CORIN: variants seen among roughly 807,000 people sequenced by gnomAD.
The protein encoded by CORIN is corin, serine peptidase.
In CORIN, 117 loss-of-function variants were observed where a neutral mutation model predicts 125.3. The ratio of observed to expected loss-of-function variants is 0.93; its 90% CI spans 0.80 to 1.09. The LOEUF is 1.09. Ranked by LOEUF, CORIN falls within the 50% of genes least tolerant of loss-of-function variation. The probability of loss-of-function intolerance (pLI) is 0.00; values close to 1 mark genes in which losing one functional copy is unlikely to be tolerated. For synonymous variants in CORIN, 450 were observed against 466.4 expected, an observed-to-expected ratio of 0.96 and a Z score of 0.45; for missense variants, 1,253 against 1,306.7, an observed-to-expected ratio of 0.96 and a Z score of 0.63.
intron 1 of CORIN, among the ~76,000 whole-genome samples, chr4:47,829,646 G>A (rs1485012279): frequency 6.6e-6 from 1 of 152,198 alleles, no homozygotes; most frequent in Non-Finnish European, 1.5e-5. Context: ...GGTAGATAGT[G>A]TCAGAATTGA....
At position 47,595,706 on chromosome 4, in the gene CORIN, T is replaced by C; in HGVS notation, c.*15A>G. The C allele has an allele frequency of 1.9e-6, 3 of 1,582,060 alleles. No homozygotes were observed. Among genetic ancestry groups the C allele is most frequent in the Non-Finnish European group, 2.6e-6 (3 of 1,167,270 alleles). Reference sequence around the variant, plus strand: ...TTTTAGTGTAGCTGGCAAAAGTCTCTGATCATCCTTATAATTAGTTTAGGA... The same window carrying C: ...TTTTAGTGTAGCTGGCAAAAGTCTCCGATCATCCTTATAATTAGTTTAGGA... On this transcript the variant is annotated 3_prime_UTR_variant, in exon 22 of 22. Transcript: ENST00000273857.
chr4:47,668,924 T>C (rs1419755988), intron 10 of CORIN, among the ~76,000 whole-genome samples: 1 of 152,230 alleles, frequency 6.6e-6, no homozygotes, highest in African/African-American at 2.4e-5. Flanking sequence ...AGATAAACTC[T>C]CAAAATACCT....
chr4:47,755,951 T>C (rs1175713182), intron 4 of CORIN, among the ~76,000 whole-genome samples: 1 of 152,208 alleles, frequency 6.6e-6, no homozygotes, highest in African/African-American at 2.4e-5. Flanking sequence ...CTCAGCTATT[T>C]AATGAGCACC....
chr4:47,721,193 A>C (rs1342258623), intron 5 of CORIN, among the ~76,000 whole-genome samples: 1 of 151,968 alleles, frequency 6.6e-6, no homozygotes, highest in African/African-American at 2.4e-5. Flanking sequence ...AGAGCACACA[A>C]GAGCGCTCTA....
chr4:47,806,896 C>T lies in CORIN; in HGVS notation c.208+7G>A. 1 of 1,607,054 alleles carries T rather than the reference C, an allele frequency of 6.2e-7. No homozygotes were observed. Among genetic ancestry groups the T allele is most frequent in the Non-Finnish European group, 8.5e-7 (1 of 1,177,616 alleles). ...CTTCATTTTTATTTAATAATGGCCT[C>T]ACCCACCAACATAGGAAAGCAGGAT... On this transcript the variant is annotated splice_region_variant and intron_variant, in intron 2 of 21. Transcript: ENST00000273857.
chr4:47,700,764 A>C (rs1726248448), intron 5 of CORIN, among the ~76,000 whole-genome samples: 1 of 152,092 alleles, frequency 6.6e-6, no homozygotes. Flanking sequence ...GCACGTGAGC[A>C]CTGGTCTCTG....
At chr4:47,764,303 C>A (rs1321994844) in intron 3 of CORIN, among the ~76,000 whole-genome samples, 1 of 152,170 alleles carries the variant, frequency 6.6e-6, no homozygotes. Context: ...GAGCCTCTGA[C>A]ATTATCTTCT....
intron 16 of CORIN, among the ~76,000 whole-genome samples, chr4:47,638,788 A>G (rs1352999559): frequency 1.3e-5 from 2 of 152,184 alleles, no homozygotes; most frequent in Non-Finnish European, 2.9e-5. Context: ...GGCTTGATTT[A>G]TGCATTCTTC....
At chr4:47,633,995 C>A (rs9918055) in intron 16 of CORIN, among the ~76,000 whole-genome samples, 39,715 of 151,456 alleles carry the variant, frequency 0.26, 5,423 homozygotes, top group Admixed American at 0.36. Flanking sequence ...ATTCAAAATT[C>A]AAAAAAAATT....
intron 16 of CORIN, among the ~76,000 whole-genome samples, chr4:47,641,327 T>C (rs1204569566): frequency 1.3e-5 from 2 of 152,170 alleles, no homozygotes; most frequent in Non-Finnish European, 2.9e-5. Context: ...TCTAAGACCC[T>C]GAAAATTATT....
intron 19 of CORIN, among the ~76,000 whole-genome samples, chr4:47,612,476 T>C (rs1253942848): frequency 6.6e-6 from 1 of 152,174 alleles, no homozygotes; most frequent in Non-Finnish European, 1.5e-5. Flanking sequence ...GGATGTCTCA[T>C]TAGTATACAA....
intron 12 of CORIN, among the ~76,000 whole-genome samples, chr4:47,658,523 C>T (rs1272415771): frequency 6.6e-6 from 1 of 152,250 alleles, no homozygotes; most frequent in Admixed American, 6.5e-5. Flanking sequence ...GCTCCAGCCC[C>T]ACGTTTCCCC....
At chr4:47,630,194 A>T (rs540763965) in intron 16 of CORIN, among the ~76,000 whole-genome samples, 2 of 152,334 alleles carry the variant, frequency 1.3e-5, no homozygotes, top group African/African-American at 4.8e-5. Flanking sequence ...AATTCCTAGA[A>T]ATAAAATCAT....
intron 1 of CORIN, among the ~76,000 whole-genome samples, chr4:47,808,986 C>G (rs1415122679): frequency 6.6e-6 from 1 of 152,222 alleles, no homozygotes; most frequent in East Asian, 1.9e-4. Context: ...ACACTTATAG[C>G]TAAAGTGATA....
intron 19 of CORIN, among the ~76,000 whole-genome samples, chr4:47,605,381 C>T (rs1272440138): frequency 1.3e-5 from 2 of 152,106 alleles, no homozygotes; most frequent in Non-Finnish European, 2.9e-5. Flanking sequence ...TTAATGATGG[C>T]TCAATGAATG....
chr4:47,692,974 A>G lies in CORIN; in HGVS notation c.909T>C (p.His303=). 6.2e-7 allele frequency: 1 copy of G among 1,611,280 alleles called. No homozygotes were observed. The highest frequency in any genetic ancestry group is 1.1e-5 in the South Asian group (1 of 90,990). The change falls in exon 6 of 22, where the codon CAT becomes CAC. Residue 303 remains histidine, a synonymous_variant. Coordinates refer to ENST00000273857, the MANE Select transcript of CORIN (RefSeq NM_006587.4). ...CCTAAACAGCTTGTCACATACTGCA[A>G]TGAGCCTCGTCACTCCAGTCGTCAC... ...NDCDDWSDEA[H]CNCSENLFHC...
At chr4:47,646,099 A>C (rs2109623909) in intron 13 of CORIN, among the ~76,000 whole-genome samples, 1 of 151,576 alleles carries the variant, frequency 6.6e-6, no homozygotes, top group South Asian at 2.1e-4. Flanking sequence ...AAAATTTAAA[A>C]GCATACATTA....
chr4:47,754,279 A>T lies in CORIN; in HGVS notation c.617+9100T>A, dbSNP rs77502968. ...ATAATGCCAAAAAAGCAACTAAGTC[A>T]CCAGTGTTGCCTGATGTTGAAAAGG... On this transcript the variant is annotated intron_variant, in intron 4 of 21. Transcript: ENST00000273857. Among the ~76,000 whole-genome samples the T allele has an allele frequency of 2.8e-3, 425 of 152,290 alleles. 2 individuals carry two copies. Among genetic ancestry groups the T allele is most frequent in the African/African-American group, 9.0e-3 (373 of 41,564 alleles).
At position 47,806,960 on chromosome 4, in the gene CORIN, G is replaced by A; in HGVS notation, c.151C>T (p.Leu51=). The change falls in exon 2 of 22, where the codon CTG becomes TTG. Residue 51 remains leucine (L), a synonymous_variant. Coordinates refer to ENST00000273857, the MANE Select transcript of CORIN (RefSeq NM_006587.4). The part of the protein sequence containing the change: ...ANLLRFLLLV[L]IPCICALVLL... ...ACGAGAGCACAGATACATGGAATCA[G>A]GACCAGCAATAGGAACCGGAGGAGG... 5 of 1,613,876 alleles carry A rather than the reference G, an allele frequency of 3.1e-6. No homozygotes were observed. The highest frequency in any genetic ancestry group is 3.4e-6 in the Non-Finnish European group (4 of 1,179,812).
Sources: gnomAD v4.1 joint callset for allele counts (sites outside exome capture counted in the v4.1 genomes callset) on GRCh38, gnomAD v4.1.1 for gene constraint, MANE v1.5 for transcripts, NCBI Gene and HGNC (gene_info 2026-07-23, HGNC 2026-07-21) for gene names.